The following HPSE2 variants were observed in gnomAD, a reference collection of about 807,000 sequenced individuals.
HPSE2 encodes the protein heparanase 2 (inactive).
Under a neutral mutation model 60.5 loss-of-function variants are expected in HPSE2, and 38 were observed. That is an observed-to-expected ratio of 0.63 (90% CI 0.48 to 0.82). The LOEUF is 0.82. Among genes scored for constraint, HPSE2 ranks in the 40% least tolerant of loss-of-function variants. HPSE2 has a pLI of 0.00. For missense variants in HPSE2, 713 were observed against 740.4 expected (o/e 0.96, Z 0.43); for synonymous variants, 295 against 293.2 (o/e 1.01, Z -0.06).
chr10:98,840,759 A>G (rs1951892061), intron 3 of HPSE2, among the ~76,000 whole-genome samples: 1 of 152,214 alleles, frequency 6.6e-6, no homozygotes, highest in Non-Finnish European at 1.5e-5. Context: ...ATACATGAAA[A>G]TGATATAAAG....
intron 3 of HPSE2, among the ~76,000 whole-genome samples, chr10:99,100,890 C>T (rs1039442750): frequency 2.6e-5 from 4 of 152,122 alleles, no homozygotes; most frequent in South Asian, 2.1e-4. Context: ...TCCAGCCAAA[C>T]TAAGCTTCAT....
At chr10:98,789,407 A>G (rs919036625) in intron 3 of HPSE2, among the ~76,000 whole-genome samples, 17 of 152,196 alleles carry the variant, frequency 1.1e-4, no homozygotes, top group Non-Finnish European at 2.9e-5. Flanking sequence ...CCTGAGTAAG[A>G]GTCTGGGTGT....
At chr10:98,641,475 T>C (rs1946634854) in intron 7 of HPSE2, among the ~76,000 whole-genome samples, 1 of 151,856 alleles carries the variant, frequency 6.6e-6, no homozygotes, top group Admixed American at 6.6e-5. Flanking sequence ...TAATCTCAGC[T>C]ACTCGGGAAG....
intron 3 of HPSE2, among the ~76,000 whole-genome samples, chr10:98,764,123 GTTATAA>G (rs1265838747): frequency 6.6e-6 from 1 of 151,968 alleles, no homozygotes; most frequent in African/African-American, 2.4e-5. Flanking sequence ...TATAATTTTG[GTTATAA>G]TTATAATTTT....
intron 3 of HPSE2, among the ~76,000 whole-genome samples, chr10:99,021,968 T>C (rs1957273363): frequency 6.6e-6 from 1 of 151,780 alleles, no homozygotes; most frequent in Non-Finnish European, 1.5e-5. Flanking sequence ...TGTATACATG[T>C]GCCATGTTGG....
intron 3 of HPSE2, among the ~76,000 whole-genome samples, chr10:99,092,058 G>A (rs1843533553): frequency 6.6e-6 from 1 of 152,072 alleles, no homozygotes; most frequent in South Asian, 2.1e-4. Context: ...GAGAAAACAG[G>A]GAGGAAAAGA....
intron 3 of HPSE2, among the ~76,000 whole-genome samples, chr10:99,076,051 TC>T (rs1842941766): frequency 6.6e-6 from 1 of 152,170 alleles, no homozygotes; most frequent in Admixed American, 6.5e-5. Context: ...ACCATTTTTT[TC>T]ATAGGTTTTT....
At chr10:99,270,953 C>T in the HPSE2 span, among the ~76,000 whole-genome samples, 1 of 151,896 alleles carries the variant, frequency 6.6e-6, no homozygotes, top group African/African-American at 2.4e-5. Flanking sequence ...TGATTAAAAC[C>T]CTCAACAAAA....
intron 3 of HPSE2, among the ~76,000 whole-genome samples, chr10:99,057,320 T>C (rs938780017): frequency 3.9e-5 from 6 of 152,186 alleles, no homozygotes; most frequent in Non-Finnish European, 8.8e-5. Context: ...AGCAAGTGAC[T>C]CATGTGCCTT....
At chr10:98,744,242 A>G (rs541752259) in intron 3 of HPSE2, among the ~76,000 whole-genome samples, 186 bp from the exon 4 acceptor site, 2 of 152,082 alleles carry the variant, frequency 1.3e-5, no homozygotes, top group Non-Finnish European at 2.9e-5. Context: ...AAAGCAGCAG[A>G]CAGGGCTGGG....
At chr10:99,184,041 C>CA (rs960289584) in intron 2 of HPSE2, among the ~76,000 whole-genome samples, 22 of 151,218 alleles carry the variant, frequency 1.5e-4, no homozygotes, top group South Asian at 1.3e-3. Flanking sequence ...CAGAAAAAAA[C>CA]AAAAAAAATA....
At chr10:98,562,089 C>G (rs149016344) in intron 9 of HPSE2, among the ~76,000 whole-genome samples, 1 of 137,028 alleles carries the variant, frequency 7.3e-6, no homozygotes, top group Non-Finnish European at 1.6e-5. Flanking sequence ...ACCATATTTT[C>G]CCGTACCTTT....
intron 2 of HPSE2, among the ~76,000 whole-genome samples, chr10:99,226,098 A>T (rs1163233149): frequency 6.6e-6 from 1 of 152,024 alleles, no homozygotes; most frequent in Non-Finnish European, 1.5e-5. Flanking sequence ...AGATAATTCT[A>T]ACATACTTTC....
chr10:98,584,965 A>G (rs984091816), intron 9 of HPSE2, among the ~76,000 whole-genome samples: 6 of 152,236 alleles, frequency 3.9e-5, no homozygotes, highest in African/African-American at 1.4e-4. Flanking sequence ...AATCTTGCTT[A>G]AAGTCACAAA....
At chr10:98,534,652 A>T (rs622865) in intron 9 of HPSE2, among the ~76,000 whole-genome samples, 1 of 151,908 alleles carries the variant, frequency 6.6e-6, no homozygotes, top group Admixed American at 6.5e-5. Context: ...TGATCTGCCC[A>T]CCTCAGCCTC....
In HPSE2 at chr10:98,721,680, C is replaced by T. The variant is rs762857019; in HGVS notation, c.933G>A (p.Lys311=). The part of the protein sequence containing the change: ...LYGPNIGRPR[K]NVIALLDGFM... ...ACCCATCTAGGAGGGCGATGACATT[C>T]TTCCTCGGCCGCCCAATATTAGGGC... The change falls in exon 5 of 12, where the codon AAG becomes AAA. Residue 311 remains lysine, a synonymous_variant. Transcript: ENST00000370552. 10 of 1,613,560 alleles carry T rather than the reference C, an allele frequency of 6.2e-6. No homozygotes were observed. The highest frequency in any genetic ancestry group is 8.5e-6 in the Non-Finnish European group (10 of 1,179,886).
chr10:98,846,502 G>C (rs1229529404), intron 3 of HPSE2, among the ~76,000 whole-genome samples: 1 of 152,086 alleles, frequency 6.6e-6, no homozygotes, highest in Non-Finnish European at 1.5e-5. Context: ...TTTTCTCCTT[G>C]TTGTTGAGGC....
At chr10:99,070,632 A>C (rs1433760975) in intron 3 of HPSE2, among the ~76,000 whole-genome samples, 1 of 152,178 alleles carries the variant, frequency 6.6e-6, no homozygotes, top group Non-Finnish European at 1.5e-5. Flanking sequence ...CTGAAATTTT[A>C]TACCCATTGG....
chr10:98,662,400 T>C (rs1359539256), intron 6 of HPSE2, among the ~76,000 whole-genome samples: 1 of 152,174 alleles, frequency 6.6e-6, no homozygotes, highest in Non-Finnish European at 1.5e-5. Flanking sequence ...ATTATGTCCT[T>C]TACAGGAACA....
Sources: allele counts gnomAD v4.1 joint callset (sites outside exome capture counted in the v4.1 genomes callset), GRCh38; gene constraint gnomAD v4.1.1; transcripts MANE v1.5; gene names NCBI Gene and HGNC (gene_info 2026-07-23, HGNC 2026-07-21).